Variants in VTI1A observed in about 807,000 individuals in gnomAD.
VTI1A encodes vesicle transport through interaction with t-SNAREs homolog 1A.
Under a neutral mutation model 34.9 loss-of-function variants are expected in VTI1A, and 22 were observed. The observed-to-expected ratio is 0.63, with a 90% CI of 0.45 to 0.90. The LOEUF (loss-of-function observed/expected upper bound fraction) is 0.90, where lower values mean the gene tolerates loss of function less well. VTI1A is among the 40% of genes least tolerant of loss of function. The probability of loss-of-function intolerance (pLI) is 0.00; values close to 1 mark genes in which losing one functional copy is unlikely to be tolerated. For synonymous variants in VTI1A, 87 were observed against 97.3 expected (o/e 0.89, Z 0.62); for missense variants, 268 against 275.6 (o/e 0.97, Z 0.20).
intron 7 of VTI1A, among the ~76,000 whole-genome samples, chr10:112,700,531 A>G (rs903583232): frequency 6.6e-6 from 1 of 152,250 alleles, no homozygotes; most frequent in African/African-American, 2.4e-5. Context: ...CAAATGCATA[A>G]TAAACATACT....
At chr10:112,826,165 TAGATCATTAACA>T in the VTI1A span, 1 of 152,202 alleles carries the variant, frequency 6.6e-6, no homozygotes, top group African/African-American at 2.4e-5. Context: ...ATCAGTAAAC[TAGATCATTAACA>T]CTGCGCCTGC....
chr10:112,462,722 G>A (rs1483487066), intron 2 of VTI1A, among the ~76,000 whole-genome samples: 1 of 152,090 alleles, frequency 6.6e-6, no homozygotes, highest in South Asian at 2.1e-4. Context: ...TGGTTTATCT[G>A]TATGCTACTG....
intron 5 of VTI1A, among the ~76,000 whole-genome samples, chr10:112,599,530 G>T (rs374010066): frequency 3.3e-5 from 5 of 152,170 alleles, no homozygotes; most frequent in Middle Eastern, 3.2e-3. Flanking sequence ...AGGCCTTCAT[G>T]GAAAGCCTTC....
chr10:112,753,361 G>T (rs114000877), intron 7 of VTI1A, among the ~76,000 whole-genome samples: 3,016 of 151,962 alleles, frequency 0.02, 55 homozygotes, highest in East Asian at 0.079. Flanking sequence ...CTCTAGAAAG[G>T]GATTAAGTTT....
At chr10:112,819,929 G>A (rs1320616253), downstream of VTI1A, among the ~76,000 whole-genome samples, 1 of 152,212 alleles carries the variant, frequency 6.6e-6, no homozygotes, top group African/African-American at 2.4e-5. Flanking sequence ...CATCCCCAGA[G>A]GGACCAGGCC....
chr10:112,708,912 G>A lies in VTI1A; in HGVS notation c.560+39914G>A, dbSNP rs71483158. Among the ~76,000 whole-genome samples, 672 of 152,276 alleles carry A rather than the reference G, an allele frequency of 4.4e-3. 10 individuals carry two copies. The highest frequency in any genetic ancestry group is 4.6e-3 in the Non-Finnish European group (311 of 68,008). ...GTTACACAGTCTGTCTCCTAAAAGC[G>A]CAAAGAGCAGTACTTGGTTTCTGGG... On this transcript the variant is annotated intron_variant, in intron 7 of 7. Coordinates refer to ENST00000393077, the MANE Select transcript of VTI1A (RefSeq NM_145206.4).
chr10:112,614,502 T>TA lies in VTI1A; in HGVS notation c.428-53715dup, dbSNP rs1337529815. Among the ~76,000 whole-genome samples the TA allele has an allele frequency of 7.2e-5, 11 of 152,312 alleles. No individual in the cohort carries two copies. In the East Asian group the frequency reaches 1.9e-3, roughly 27 times the overall value. On this transcript the variant is annotated intron_variant, in intron 5 of 7. Transcript: ENST00000393077. ...ATGCCTGGTGGTTGGCTCACCAACT[T>TA]AGTCTCTTATAAGAAATTATCTTTA...
At chr10:112,506,218 T>C (rs1328083840) in intron 3 of VTI1A, among the ~76,000 whole-genome samples, 1 of 152,160 alleles carries the variant, frequency 6.6e-6, no homozygotes, top group African/African-American at 2.4e-5. Flanking sequence ...ATGATACGTA[T>C]TTGTGTATCT....
chr10:112,512,897 G>A (rs1849660470), intron 3 of VTI1A, among the ~76,000 whole-genome samples: 1 of 152,022 alleles, frequency 6.6e-6, no homozygotes, highest in South Asian at 2.1e-4. Context: ...ATTGGTCCAT[G>A]TGTCCAGTTT....
At chr10:112,723,761 T>C (rs1212096208) in intron 7 of VTI1A, among the ~76,000 whole-genome samples, 1 of 152,216 alleles carries the variant, frequency 6.6e-6, no homozygotes, top group Non-Finnish European at 1.5e-5. Flanking sequence ...AAGCATAGTT[T>C]CTATTTAGTT....
chr10:112,711,493 C>T (rs528383312), intron 7 of VTI1A, among the ~76,000 whole-genome samples: 1 of 152,306 alleles, frequency 6.6e-6, no homozygotes, highest in East Asian at 1.9e-4. Flanking sequence ...ATTTGTATAG[C>T]ATATTCTTAT....
At chr10:112,606,656 T>A (rs1443666417) in intron 5 of VTI1A, among the ~76,000 whole-genome samples, 2 of 152,224 alleles carry the variant, frequency 1.3e-5, no homozygotes, top group African/African-American at 4.8e-5. Flanking sequence ...ATTACATGTC[T>A]AGGACCATAG....
At chr10:112,702,094 T>C (rs1304660056) in intron 7 of VTI1A, among the ~76,000 whole-genome samples, 1 of 152,164 alleles carries the variant, frequency 6.6e-6, no homozygotes, top group East Asian at 1.9e-4. Flanking sequence ...CCTCCTTGTG[T>C]AGGTGGACTT....
chr10:112,476,803 T>C (rs908395415), intron 3 of VTI1A, among the ~76,000 whole-genome samples: 4 of 152,228 alleles, frequency 2.6e-5, no homozygotes, highest in African/African-American at 7.2e-5. Flanking sequence ...TCATTTCTTT[T>C]TTCATAAGTC....
chr10:112,677,928 A>T (rs900439944), intron 7 of VTI1A: 1 of 152,224 alleles, frequency 6.6e-6, no homozygotes, highest in Non-Finnish European at 1.5e-5. Flanking sequence ...GCTCACGGCC[A>T]TGTTACCCTG....
intron 7 of VTI1A, among the ~76,000 whole-genome samples, chr10:112,699,811 G>A (rs1209527800): frequency 7.0e-6 from 1 of 142,600 alleles, no homozygotes; most frequent in African/African-American, 2.6e-5. Flanking sequence ...CTGGGCAATA[G>A]AGCAAAACTC....
chr10:112,457,047 C>T (rs1023047615), intron 1 of VTI1A, among the ~76,000 whole-genome samples: 1 of 152,130 alleles, frequency 6.6e-6, no homozygotes, highest in Non-Finnish European at 1.5e-5. Context: ...TAAATGGTAG[C>T]TTAACAAAGA....
intron 7 of VTI1A, among the ~76,000 whole-genome samples, chr10:112,799,049 C>G (rs115222472): frequency 6.6e-6 from 1 of 152,300 alleles, no homozygotes; most frequent in African/African-American, 2.4e-5. Flanking sequence ...CTCCTGTTGA[C>G]CCCTCCCTGG....
chr10:112,719,870 G>A (rs545299657), intron 7 of VTI1A, among the ~76,000 whole-genome samples: 1 of 151,934 alleles, frequency 6.6e-6, no homozygotes, highest in Admixed American at 6.6e-5. Flanking sequence ...TTTTATCACC[G>A]CAAAAAGAAA....
Sources: gnomAD v4.1 joint callset for allele counts (sites outside exome capture counted in the v4.1 genomes callset) on GRCh38, gnomAD v4.1.1 for gene constraint, MANE v1.5 for transcripts, NCBI Gene and HGNC (gene_info 2026-07-23, HGNC 2026-07-21) for gene names.